NEK7: variants seen among roughly 807,000 people sequenced by gnomAD.
NEK7 encodes the protein serine/threonine-protein kinase Nek7.
NEK7 carries 18 observed loss-of-function variants against 44.6 expected under a neutral mutation model. The observed-to-expected ratio is 0.40, with a 90% CI of 0.28 to 0.60. NEK7 has a LOEUF of 0.60. Ranked by LOEUF, NEK7 falls within the 20% of genes least tolerant of loss-of-function variation. The probability of loss-of-function intolerance (pLI) is 0.38; values close to 1 mark genes in which losing one functional copy is unlikely to be tolerated. For synonymous variants in NEK7, 130 were observed against 121.1 expected (o/e 1.07, Z -0.48); for missense variants, 256 against 366.5 (o/e 0.70, Z 2.46).
chr1:198,248,883 TA>T (rs1392911502), intron 2 of NEK7, among the ~76,000 whole-genome samples: 1 of 151,938 alleles, frequency 6.6e-6, no homozygotes, highest in African/African-American at 2.4e-5. Flanking sequence ...TATTTTATTT[TA>T]TTTTATTATT....
chr1:198,241,882 GACA>G (rs1416607500), intron 2 of NEK7, among the ~76,000 whole-genome samples: 2 of 152,150 alleles, frequency 1.3e-5, no homozygotes, highest in African/African-American at 2.4e-5. Flanking sequence ...TGACTGCAAT[GACA>G]ACAAGCTGCC....
In NEK7 at chr1:198,197,705, G is replaced by A. The variant is rs979512789; in HGVS notation, c.-28-34848G>A. Reference sequence around the variant, plus strand: ...GGAGCCCAAGGGCTACTTTCCCCTGGTACAATATGGCATCTGAAGTTCGAT... The same window carrying A: ...GGAGCCCAAGGGCTACTTTCCCCTGATACAATATGGCATCTGAAGTTCGAT... On this transcript the variant is annotated intron_variant, in intron 1 of 9. Coordinates refer to ENST00000367385, the MANE Select transcript of NEK7 (RefSeq NM_133494.3). 4.7e-5 allele frequency: 24 copies of A among 510,288 alleles called. 1 individual carries two copies. Among genetic ancestry groups the A allele is most frequent in the African/African-American group, 4.6e-4 (24 of 52,254 alleles). The allele number at this position is 510,288 out of a possible 1,614,324, so 31.6% of individuals were successfully genotyped here. A position where few individuals can be genotyped will look rare whatever the true frequency, so the allele number is the denominator to read the frequency against.
At position 198,321,478 on chromosome 1, in the gene NEK7, C is replaced by G. The variant is rs1655533577; in HGVS notation, c.*1956C>G. ...ATGTTCTCTGGTTGGAACAGATACT[C>G]TCTTTTTTTTCTTGCAATCTTTAAG... On this transcript the variant is annotated 3_prime_UTR_variant, in exon 10 of 10. Transcript: ENST00000367385. 1 of 152,082 alleles carries G rather than the reference C, an allele frequency of 6.6e-6. No individual in the cohort carries two copies. The highest frequency in any genetic ancestry group is 2.4e-5 in the African/African-American group (1 of 41,420). 9.4% of individuals were successfully genotyped at this position (152,082 alleles called of 1,614,324 possible). A position where few individuals can be genotyped will look rare whatever the true frequency, so the allele number is the denominator to read the frequency against.
chr1:198,233,642 C>T (rs1666463447), intron 2 of NEK7, among the ~76,000 whole-genome samples: 1 of 151,752 alleles, frequency 6.6e-6, no homozygotes, highest in Non-Finnish European at 1.5e-5. Context: ...GACTTTGTGG[C>T]AGTACTTCCT....
chr1:198,230,798 T>G (rs1558067885), intron 1 of NEK7, among the ~76,000 whole-genome samples: 1 of 151,866 alleles, frequency 6.6e-6, no homozygotes, highest in Non-Finnish European at 1.5e-5. Flanking sequence ...GAAAATTGAA[T>G]TAAAAAACCC....
intron 1 of NEK7, among the ~76,000 whole-genome samples, chr1:198,166,872 A>G (rs1439284893): frequency 6.6e-6 from 1 of 152,224 alleles, no homozygotes; most frequent in African/African-American, 2.4e-5. Context: ...CTAACAGACT[A>G]ACTTCACATA....
At chr1:198,313,332 T>C (rs1655250111) in intron 9 of NEK7, among the ~76,000 whole-genome samples, 1 of 151,658 alleles carries the variant, frequency 6.6e-6, no homozygotes. Context: ...CCTATGTGTG[T>C]CTCTGCATGT....
At chr1:198,249,240 A>T (rs983911055) in intron 2 of NEK7, among the ~76,000 whole-genome samples, 1 of 152,030 alleles carries the variant, frequency 6.6e-6, no homozygotes, top group African/African-American at 2.4e-5. Flanking sequence ...TTATGGCTAC[A>T]TAGTATTCCA....
intron 9 of NEK7, among the ~76,000 whole-genome samples, chr1:198,298,626 G>T (rs762358355): frequency 2.6e-5 from 4 of 152,172 alleles, no homozygotes; most frequent in Non-Finnish European, 5.9e-5. Flanking sequence ...GAAATACAGT[G>T]GGGTGTGAAC....
At chr1:198,293,329 C>T (rs771929384) in intron 8 of NEK7, among the ~76,000 whole-genome samples, 7 of 151,812 alleles carry the variant, frequency 4.6e-5, no homozygotes, top group African/African-American at 1.7e-4. Context: ...TAAAAATATA[C>T]GTTTGAACAT....
intron 1 of NEK7, among the ~76,000 whole-genome samples, chr1:198,228,250 A>G (rs1049497919): frequency 6.6e-5 from 10 of 152,088 alleles, no homozygotes; most frequent in African/African-American, 1.7e-4. Context: ...TACCAGTACC[A>G]TGCTGTTTTG....
At chr1:198,310,314 G>C (rs1334275608) in intron 9 of NEK7, among the ~76,000 whole-genome samples, 1 of 151,850 alleles carries the variant, frequency 6.6e-6, no homozygotes, top group African/African-American at 2.4e-5. Flanking sequence ...TTGTAGATTT[G>C]TTTGAGTTCA....
chr1:198,207,953 A>C (rs1456970211), intron 1 of NEK7, among the ~76,000 whole-genome samples: 1 of 152,210 alleles, frequency 6.6e-6, no homozygotes, highest in East Asian at 1.9e-4. Flanking sequence ...AACCCTTAGA[A>C]CACTTCAACT....
Position 198,202,668 on chromosome 1 carries a change from T to C in NEK7, c.-28-29885T>C, listed in dbSNP as rs546272095. 4.6e-5 allele frequency among the ~76,000 whole-genome samples: 7 copies of C among 152,320 alleles called. No homozygotes were observed. The South Asian group carries it at 1.0e-3, about 23-fold the overall frequency. On this transcript the variant is annotated intron_variant, in intron 1 of 9. Coordinates refer to ENST00000367385, the MANE Select transcript of NEK7 (RefSeq NM_133494.3). ...TGGAAAGTGAAAGACATGTTTTACA[T>C]GGCAGCAGATGAGAGAATGAGAGCC... is the stretch of plus-strand genomic sequence containing the variant.
chr1:198,299,072 G>GA (rs1310278223), intron 9 of NEK7, among the ~76,000 whole-genome samples: 3 of 152,154 alleles, frequency 2.0e-5, no homozygotes, highest in Non-Finnish European at 4.4e-5. Flanking sequence ...TACCAGTTTC[G>GA]AAAAGAGCTG....
At chr1:198,202,981 C>CT (rs1209615743) in intron 1 of NEK7, among the ~76,000 whole-genome samples, 2 of 151,250 alleles carry the variant, frequency 1.3e-5, no homozygotes, top group Non-Finnish European at 3.0e-5. Context: ...TCTACCACTT[C>CT]TTTTTTTTCA....
At chr1:198,240,221 G>A (rs534723620) in intron 2 of NEK7, among the ~76,000 whole-genome samples, 1 of 152,272 alleles carries the variant, frequency 6.6e-6, no homozygotes, top group African/African-American at 2.4e-5. Flanking sequence ...TATTTAAAGT[G>A]CGTTTGAGTT....
chr1:198,270,987 G>T (rs761770160), intron 5 of NEK7, among the ~76,000 whole-genome samples: 15 of 151,946 alleles, frequency 9.9e-5, no homozygotes, highest in African/African-American at 3.4e-4. Flanking sequence ...AAGTTGTATG[G>T]CTAAAGTTCC....
intron 2 of NEK7, among the ~76,000 whole-genome samples, chr1:198,233,053 A>C (rs1306656383): frequency 6.6e-6 from 1 of 151,922 alleles, no homozygotes; most frequent in African/African-American, 2.4e-5. Context: ...AATGACCTGT[A>C]AGCTCTGAGC....
Sources: gnomAD v4.1 joint callset for allele counts (sites outside exome capture counted in the v4.1 genomes callset) on GRCh38, gnomAD v4.1.1 for gene constraint, MANE v1.5 for transcripts, NCBI Gene and HGNC (gene_info 2026-07-23, HGNC 2026-07-21) for gene names.